Variants in GNAT3 observed in about 807,000 individuals in gnomAD.
The protein encoded by GNAT3 is G protein subunit alpha transducin 3.
In GNAT3, 31 loss-of-function variants were observed where a neutral mutation model predicts 37.7. The observed-to-expected ratio is 0.82, with a 90% CI of 0.62 to 1.11. GNAT3 has a LOEUF of 1.11. Ranked by LOEUF, GNAT3 falls within the 50% of genes most tolerant of loss-of-function variation. GNAT3 has a pLI of 0.00. For missense variants in GNAT3, 437 were observed against 412.5 expected (o/e 1.06, Z -0.51); for synonymous variants, 138 against 139.8 (o/e 0.99, Z 0.09).
chr7:80,488,848 A>G (rs1412407808), intron 2 of GNAT3, among the ~76,000 whole-genome samples, 172 bp from the exon 3 acceptor site: 4 of 152,096 alleles, frequency 2.6e-5, no homozygotes, highest in South Asian at 4.1e-4. Flanking sequence ...TTTTATTATC[A>G]TTGTCATTTA....
chr7:80,480,673 C>T (rs1315199218), intron 3 of GNAT3, among the ~76,000 whole-genome samples: 3 of 152,050 alleles, frequency 2.0e-5, no homozygotes. Context: ...CTTGTTAGAG[C>T]ATATAGGGTA....
rs188960929 is a variant in GNAT3, at chr7:80,471,263, G to A, written c.590+2988C>T. Among the ~76,000 whole-genome samples the A allele has an allele frequency of 4.0e-5, 6 of 150,570 alleles. 1 individual carries two copies. Among genetic ancestry groups the A allele is most frequent in the East Asian group, 2.1e-4 (1 of 4,810 alleles). Reference sequence around the variant, plus strand: ...TTAGATTGTGCCCACCCAGATTAAGGATGGGTCTGCCTTTCCCAGCCCACT... The same window carrying A: ...TTAGATTGTGCCCACCCAGATTAAGAATGGGTCTGCCTTTCCCAGCCCACT... On this transcript the variant is annotated intron_variant, in intron 5 of 7. Coordinates refer to ENST00000398291, the MANE Select transcript of GNAT3 (RefSeq NM_001102386.3).
At chr7:80,467,579 T>A (rs1175547628) in intron 5 of GNAT3, among the ~76,000 whole-genome samples, 2 of 152,114 alleles carry the variant, frequency 1.3e-5, no homozygotes, top group African/African-American at 4.8e-5. Flanking sequence ...ATTTAGTCCT[T>A]ATTTTATGGA....
At chr7:80,477,660 T>C (rs1327751291) in intron 4 of GNAT3, among the ~76,000 whole-genome samples, 1 of 152,204 alleles carries the variant, frequency 6.6e-6, no homozygotes, top group East Asian at 1.9e-4. Flanking sequence ...GCTTCATTGT[T>C]CTGTCCTTAA....
intron 4 of GNAT3, among the ~76,000 whole-genome samples, chr7:80,476,626 AAAC>A (rs1790306723): frequency 6.6e-6 from 1 of 151,754 alleles, no homozygotes. Context: ...AGATTTGAGA[AAAC>A]AAGAAGTATC....
Position 80,479,020 on chromosome 7 carries a change from A to G in GNAT3, c.304-22T>C, listed in dbSNP as rs775599781. ...CCTCCTAGAACAATATTTTGGTGAG[A>G]ATAAGTATGTATTATTTGGAATCAC... On this transcript the variant is annotated intron_variant, in intron 3 of 7. Coordinates refer to ENST00000398291, the MANE Select transcript of GNAT3 (RefSeq NM_001102386.3). The G allele has an allele frequency of 9.2e-6, 14 of 1,526,858 alleles. No individual in the cohort carries two copies. In the South Asian group the frequency reaches 1.1e-4, roughly 12 times the overall value. The allele number at this position is 1,526,858 out of a possible 1,614,324, so 94.6% of individuals were successfully genotyped here. A position where few individuals can be genotyped will look rare whatever the true frequency, so the allele number is the denominator to read the frequency against.
chr7:80,497,827 A>T (rs916107360), intron 1 of GNAT3, among the ~76,000 whole-genome samples: 1 of 151,872 alleles, frequency 6.6e-6, no homozygotes, highest in Non-Finnish European at 1.5e-5. Flanking sequence ...ATGAGAAAAA[A>T]GTCTCATTTC....
intron 5 of GNAT3, among the ~76,000 whole-genome samples, chr7:80,464,969 A>T (rs541052957): frequency 6.6e-6 from 1 of 152,212 alleles, no homozygotes; most frequent in South Asian, 2.1e-4. Flanking sequence ...ATGTGCTACT[A>T]ATTACCAAAT....
chr7:80,471,774 C>T (rs909407620), intron 5 of GNAT3, among the ~76,000 whole-genome samples: 4 of 152,132 alleles, frequency 2.6e-5, no homozygotes, highest in African/African-American at 7.2e-5. Context: ...CTAGCACTTC[C>T]GTGAAAGACC....
At chr7:80,500,259 G>A (rs1033729128) in intron 1 of GNAT3, among the ~76,000 whole-genome samples, 1 of 149,556 alleles carries the variant, frequency 6.7e-6, no homozygotes, top group African/African-American at 2.5e-5. Flanking sequence ...CACTCAGCTT[G>A]TGGTAATTAA....
intron 3 of GNAT3, among the ~76,000 whole-genome samples, chr7:80,479,841 A>G (rs1270634986): frequency 6.6e-6 from 1 of 152,114 alleles, no homozygotes; most frequent in African/African-American, 2.4e-5. Context: ...CATATAAAGA[A>G]TGGTAAACAT....
intron 5 of GNAT3, among the ~76,000 whole-genome samples, chr7:80,469,250 G>A (rs1261840245): frequency 6.6e-6 from 1 of 152,106 alleles, no homozygotes; most frequent in Non-Finnish European, 1.5e-5. Flanking sequence ...AAAGCTCTGT[G>A]TTGTAATAAT....
At chr7:80,490,677 C>T (rs1201067790) in intron 2 of GNAT3, among the ~76,000 whole-genome samples, 2 of 152,178 alleles carry the variant, frequency 1.3e-5, no homozygotes, top group African/African-American at 4.8e-5. Flanking sequence ...AGCACTTCAT[C>T]TGTCTTATTT....
At chr7:80,506,727 TAAAA>T (rs1790949110) in intron 1 of GNAT3, among the ~76,000 whole-genome samples, 1 of 152,146 alleles carries the variant, frequency 6.6e-6, no homozygotes, top group African/African-American at 2.4e-5. Context: ...TCTAGAAACA[TAAAA>T]TAAATAATTT....
chr7:80,508,593 A>G (rs1429352608), intron 1 of GNAT3, among the ~76,000 whole-genome samples: 1 of 152,070 alleles, frequency 6.6e-6, no homozygotes. Flanking sequence ...AAATGTGCTC[A>G]GCAATGTATG....
chr7:80,471,797 T>C (rs1248003143), intron 5 of GNAT3, among the ~76,000 whole-genome samples: 1 of 152,110 alleles, frequency 6.6e-6, no homozygotes, highest in Non-Finnish European at 1.5e-5. Flanking sequence ...GGGGGAAATC[T>C]TTTATCTCAG....
At position 80,458,871 on chromosome 7, in the gene GNAT3, C is replaced by A; in HGVS notation, c.875-10G>T. ...TCAAATGTATTTGGCCCTTGTTAAA[C>A]AAAATATTTGAAGAAGTAAAGATTA... is the stretch of plus-strand genomic sequence containing the variant. On this transcript the variant is annotated splice_polypyrimidine_tract_variant and intron_variant, in intron 7 of 7. Coordinates refer to ENST00000398291, the MANE Select transcript of GNAT3 (RefSeq NM_001102386.3). 1.3e-6 allele frequency: 2 copies of A among 1,524,458 alleles called. No individual in the cohort carries two copies. Among genetic ancestry groups the A allele is most frequent in the Admixed American group, 2.3e-5 (1 of 44,086 alleles). 94.4% of individuals were successfully genotyped at this position (1,524,458 alleles called of 1,614,324 possible).
intron 1 of GNAT3, among the ~76,000 whole-genome samples, chr7:80,500,149 C>T (rs1047320104): frequency 2.0e-5 from 3 of 151,902 alleles, no homozygotes; most frequent in Non-Finnish European, 4.4e-5. Flanking sequence ...TGACATTCTG[C>T]CACCTAGACC....
intron 1 of GNAT3, among the ~76,000 whole-genome samples, chr7:80,497,649 C>T (rs542235397): frequency 9.6e-5 from 11 of 114,536 alleles, no homozygotes; most frequent in East Asian, 2.5e-4. Flanking sequence ...TATACATATA[C>T]GTATATACAT....
Sources: allele counts gnomAD v4.1 joint callset (sites outside exome capture counted in the v4.1 genomes callset), GRCh38; gene constraint gnomAD v4.1.1; transcripts MANE v1.5; gene names NCBI Gene and HGNC (gene_info 2026-07-23, HGNC 2026-07-21).